SPTBN1: variants seen among roughly 807,000 people sequenced by gnomAD.
The protein encoded by SPTBN1 is spectrin beta chain, non-erythrocytic 1.
SPTBN1 carries 32 observed loss-of-function variants against 266.4 expected under a neutral mutation model. That is an observed-to-expected ratio of 0.12 (90% CI 0.09 to 0.16). The LOEUF (loss-of-function observed/expected upper bound fraction) is 0.16, where lower values mean the gene tolerates loss of function less well. SPTBN1 is among the 10% of genes least tolerant of loss of function. The pLI, the probability that SPTBN1 is intolerant of heterozygous loss-of-function variation, is 1.00. For missense variants in SPTBN1, 2,296 were observed against 3,067.1 expected (o/e 0.75, Z 5.94); for synonymous variants, 1,336 against 1,162.2 (o/e 1.15, Z -3.04).
At chr2:54,622,568 GTAATCTCATCTCT>G in intron 9 of SPTBN1, 81 bp downstream of exon 9, 1 of 1,494,194 alleles carries the variant, frequency 6.7e-7, no homozygotes, top group South Asian at 1.3e-5. Context: ...TCTGATTTCT[GTAATCTCATCTCT>G]TAACTGAATG....
In SPTBN1 at chr2:54,671,386, G is replaced by C. The variant is rs1248593089; in HGVS notation, c.*2817G>C. ...GCTTGTGTATGGGGATCCTATGTTA[G>C]TTCCCCTGGATACATTGTTTTATCA... On this transcript the variant is annotated 3_prime_UTR_variant, in exon 36 of 36. Coordinates refer to ENST00000356805, the MANE Select transcript of SPTBN1 (RefSeq NM_003128.3). The C allele has an allele frequency of 6.6e-6, 1 of 152,178 alleles. No homozygotes were observed. 9.4% of individuals were successfully genotyped at this position (152,178 alleles called of 1,614,324 possible). A position where few individuals can be genotyped will look rare whatever the true frequency, so the allele number is the denominator to read the frequency against.
chr2:54,459,574 C>T (rs1411961079), intron 1 of SPTBN1, among the ~76,000 whole-genome samples: 1 of 151,162 alleles, frequency 6.6e-6, no homozygotes, highest in Admixed American at 6.6e-5. Flanking sequence ...TTTTTAATAG[C>T]ATATTCTTAT....
chr2:54,659,067 CAGG>C, intron 30 of SPTBN1, 84 bp from the exon 31 acceptor site: 3 of 1,418,448 alleles, frequency 2.1e-6, no homozygotes, highest in Non-Finnish European at 3.0e-6. Flanking sequence ...GCAAACTAGA[CAGG>C]AGGACTTCCT....
intron 17 of SPTBN1, among the ~76,000 whole-genome samples, chr2:54,635,662 A>T (rs1271092654): frequency 6.6e-6 from 1 of 152,180 alleles, no homozygotes; most frequent in African/African-American, 2.4e-5. Flanking sequence ...TCCTGTTGTT[A>T]ATTTCCAGTA....
chr2:54,599,393 G>A, intron 3 of SPTBN1, 150 bp downstream of exon 3: 1 of 889,712 alleles, frequency 1.1e-6, no homozygotes, highest in Non-Finnish European at 1.7e-6. Flanking sequence ...TTCAGGGAGA[G>A]CCTTAGTGTC....
chr2:54,538,083 A>G (rs763463591), intron 2 of SPTBN1, among the ~76,000 whole-genome samples: 6 of 152,262 alleles, frequency 3.9e-5, no homozygotes, highest in African/African-American at 7.2e-5. Flanking sequence ...AGATAAAGAC[A>G]TTTTATAAAA....
At chr2:54,515,407 G>T (rs1048123739) in intron 1 of SPTBN1, among the ~76,000 whole-genome samples, 1 of 152,204 alleles carries the variant, frequency 6.6e-6, no homozygotes, top group Non-Finnish European at 1.5e-5. Context: ...AGTGGGTGAG[G>T]TGAAACTGTT....
rs1680778835 is a variant in SPTBN1 at position 54,657,844 on chromosome 2, G to T, written c.6047-6G>T. The T allele has an allele frequency of 6.2e-7, 1 of 1,614,162 alleles. No individual in the cohort carries two copies. Among genetic ancestry groups the T allele is most frequent in the South Asian group, 1.1e-5 (1 of 91,086 alleles). ...AACGTGTACTAACTCATGGTACCCT[G>T]TGCAGTTCTGGAGGTCCATCAGTTC... On this transcript the variant is annotated splice_polypyrimidine_tract_variant and splice_region_variant and intron_variant, in intron 29 of 35. Coordinates refer to ENST00000356805, the MANE Select transcript of SPTBN1 (RefSeq NM_003128.3).
chr2:54,658,160 T>C, intron 30 of SPTBN1, 114 bp downstream of exon 30: 1 of 1,340,928 alleles, frequency 7.5e-7, no homozygotes, highest in Non-Finnish European at 1.0e-6. Flanking sequence ...TTGGGTTTTT[T>C]TCAAGTAGTG....
chr2:54,631,702 A>G, intron 16 of SPTBN1, 91 bp downstream of exon 16: 1 of 1,464,502 alleles, frequency 6.8e-7, no homozygotes, highest in Non-Finnish European at 9.2e-7. Context: ...GGTTTAAACC[A>G]CACCTGTATG....
chr2:54,490,079 AT>A (rs11326998), intron 1 of SPTBN1, among the ~76,000 whole-genome samples: 74,184 of 135,110 alleles, frequency 0.55, 19,800 homozygotes, highest in African/African-American at 0.73. Flanking sequence ...AAGTTTATGA[AT>A]TTTTTTTTTT....
At chr2:54,468,152 C>A (rs1030137772) in intron 1 of SPTBN1, among the ~76,000 whole-genome samples, 1 of 151,690 alleles carries the variant, frequency 6.6e-6, no homozygotes, top group African/African-American at 2.4e-5. Context: ...ACTAAAAATG[C>A]AAAAATTGGC....
rs185824287 is a variant in SPTBN1, at chr2:54,460,029, G to T, written c.-48+3511G>T. 3.3e-5 allele frequency among the ~76,000 whole-genome samples: 5 copies of T among 152,268 alleles called. No individual in the cohort carries two copies. In the East Asian group the frequency reaches 9.6e-4, roughly 29 times the overall value. On this transcript the variant is annotated intron_variant, in intron 1 of 35. Transcript: ENST00000356805. ...GTGTTTCTATTTTTAAACATCTCTG[G>T]AGAAGGCATTTTCATAATGTCCTTT...
intron 3 of SPTBN1, among the ~76,000 whole-genome samples, chr2:54,609,825 C>T (rs995019221): frequency 2.6e-5 from 4 of 152,096 alleles, no homozygotes; most frequent in Admixed American, 1.3e-4. Context: ...TTGTCATTGT[C>T]CAGGCCTTCT....
intron 2 of SPTBN1, chr2:54,535,177 T>A (rs550169729): frequency 6.6e-6 from 1 of 152,418 alleles, no homozygotes; most frequent in South Asian, 2.1e-4. Flanking sequence ...GTGACCTTTC[T>A]GCCTTCTTAT....
chr2:54,534,799 G>T (rs1331932635), intron 2 of SPTBN1, among the ~76,000 whole-genome samples: 1 of 152,192 alleles, frequency 6.6e-6, no homozygotes, highest in African/African-American at 2.4e-5. Flanking sequence ...AGAACATGCA[G>T]ATGGAAGCCT....
chr2:54,458,158 C>G (rs1190704625), intron 1 of SPTBN1, among the ~76,000 whole-genome samples: 1 of 152,216 alleles, frequency 6.6e-6, no homozygotes, highest in African/African-American at 2.4e-5. Context: ...AGTACCTCGT[C>G]TGTCTTTGGT....
chr2:54,668,617 T>G lies in SPTBN1; in HGVS notation c.*48T>G. The G allele has an allele frequency of 6.5e-7, 1 of 1,534,296 alleles. No individual in the cohort carries two copies. Among genetic ancestry groups the G allele is most frequent in the Non-Finnish European group, 8.9e-7 (1 of 1,129,550 alleles). Reference sequence around the variant, plus strand: ...CCTTCTCTTACCTTTTCAGTGAAATTCCAGCATGCAAGCTCAGAACCAACA... The same window carrying G: ...CCTTCTCTTACCTTTTCAGTGAAATGCCAGCATGCAAGCTCAGAACCAACA... On this transcript the variant is annotated 3_prime_UTR_variant, in exon 36 of 36. Transcript: ENST00000356805.
chr2:54,667,555 TA>T, intron 34 of SPTBN1, 48 bp from the exon 35 acceptor site: 1 of 1,582,792 alleles, frequency 6.3e-7, no homozygotes. Flanking sequence ...GGGGGATTTT[TA>T]TTTCTCTGTA....
Sources: gnomAD v4.1 joint callset for allele counts (sites outside exome capture counted in the v4.1 genomes callset) on GRCh38, gnomAD v4.1.1 for gene constraint, MANE v1.5 for transcripts, NCBI Gene and HGNC (gene_info 2026-07-23, HGNC 2026-07-21) for gene names.